TMEM114: variants seen among roughly 807,000 people sequenced by gnomAD.
The protein encoded by TMEM114 is claudin-26.
In TMEM114, 6 loss-of-function variants were observed where a neutral mutation model predicts 6.2. That is an observed-to-expected ratio of 0.97 (90% confidence interval 0.53 to 1.91). TMEM114 has a LOEUF of 1.91. TMEM114 is among the 40% of genes most tolerant of loss of function. The pLI is 0.01. For synonymous variants in TMEM114, 104 were observed against 73.0 expected (o/e 1.42, Z -2.16); for missense variants, 218 against 158.3 (o/e 1.38, Z -2.02).
rs560742507 is a variant in TMEM114 at position 8,580,495 on chromosome 16, TA to T, written c.302-8272del. On this transcript the variant is annotated intron_variant, in intron 2 of 3. Transcript: ENST00000620492. ...GAGAGTGACTCCATCTCAAAAGAGG[TA>T]AAAAAAAAAAAAAAGAAAAAAAAAG... Among the ~76,000 whole-genome samples, 387 of 98,132 alleles carry T rather than the reference TA, an allele frequency of 3.9e-3. 1 individual carries two copies. Among genetic ancestry groups the T allele is most frequent in the East Asian group, 9.9e-3 (37 of 3,736 alleles). The allele number at this position is 98,132 out of a possible 152,430, so 64.4% of individuals were successfully genotyped here.
At chr16:8,563,088 AGTGAGGG>A (rs2141672807) in intron 2 of TMEM114, among the ~76,000 whole-genome samples, 1 of 151,214 alleles carries the variant, frequency 6.6e-6, no homozygotes, top group East Asian at 1.9e-4. Context: ...TGAATGAGTG[AGTGAGGG>A]AGGGAGGGAA....
chr16:8,554,331 G>C (rs1900939627), intron 2 of TMEM114, among the ~76,000 whole-genome samples: 1 of 152,106 alleles, frequency 6.6e-6, no homozygotes, highest in Non-Finnish European at 1.5e-5. Context: ...CAAGGCAGGA[G>C]CATCGCTTGA....
chr16:8,563,618 T>C (rs941771299), intron 2 of TMEM114, among the ~76,000 whole-genome samples: 7 of 149,292 alleles, frequency 4.7e-5, no homozygotes, highest in Middle Eastern at 3.2e-3. Flanking sequence ...AATGAGTGAC[T>C]GAATGAGTGA....
At chr16:8,553,075 C>A (rs1385283866) in intron 2 of TMEM114, among the ~76,000 whole-genome samples, 1 of 152,228 alleles carries the variant, frequency 6.6e-6, no homozygotes, top group Admixed American at 6.5e-5. Flanking sequence ...TCTCATCCTC[C>A]CCTTTGTTGC....
At chr16:8,564,489 A>AG (rs1901448838) in intron 2 of TMEM114, among the ~76,000 whole-genome samples, 2 of 97,034 alleles carry the variant, frequency 2.1e-5, no homozygotes, top group Admixed American at 2.0e-4. Context: ...GAGGGAATGA[A>AG]TGAGTGAATG....
chr16:8,532,749 C>T (rs955198514), downstream of TMEM114, among the ~76,000 whole-genome samples: 2 of 152,092 alleles, frequency 1.3e-5, no homozygotes, highest in African/African-American at 4.8e-5. Flanking sequence ...ATGGTGAAAC[C>T]CCGTCTCTAC....
downstream of TMEM114, among the ~76,000 whole-genome samples, chr16:8,536,093 C>T (rs540734172): frequency 1.1e-4 from 16 of 152,044 alleles, no homozygotes; most frequent in African/African-American, 2.9e-4. Context: ...GGTGTGGTGA[C>T]GTGCACCTGT....
chr16:8,565,109 G>C (rs930211803), downstream of TMEM114, among the ~76,000 whole-genome samples: 1 of 151,802 alleles, frequency 6.6e-6, no homozygotes, highest in Non-Finnish European at 1.5e-5. Context: ...GAGTGAATAA[G>C]TGAGTGAGTG....
At chr16:8,545,392 T>C (rs1424919345) in intron 2 of TMEM114, among the ~76,000 whole-genome samples, 1 of 152,080 alleles carries the variant, frequency 6.6e-6, no homozygotes, top group Non-Finnish European at 1.5e-5. Flanking sequence ...GCTGTAATCA[T>C]ACCACTGCAC....
At chr16:8,575,058 A>G (rs1488900858) in intron 2 of TMEM114, among the ~76,000 whole-genome samples, 1 of 152,198 alleles carries the variant, frequency 6.6e-6, no homozygotes, top group Non-Finnish European at 1.5e-5. Flanking sequence ...TGGAATGTGG[A>G]TATGATGAAA....
chr16:8,540,169 A>G (rs74250585), intron 2 of TMEM114, among the ~76,000 whole-genome samples: 7,554 of 152,260 alleles, frequency 0.05, 479 homozygotes, highest in African/African-American at 0.14. Flanking sequence ...TCATTCAAAC[A>G]TCAGGTTATT....
intron 2 of TMEM114, among the ~76,000 whole-genome samples, chr16:8,585,184 A>G (rs1902281944): frequency 1.3e-5 from 2 of 152,194 alleles, no homozygotes; most frequent in Non-Finnish European, 2.9e-5. Flanking sequence ...TCACAAGAAC[A>G]GTATGGGAAA....
intron 2 of TMEM114, among the ~76,000 whole-genome samples, chr16:8,587,217 A>G (rs2141703682): frequency 6.6e-6 from 1 of 152,254 alleles, no homozygotes; most frequent in East Asian, 1.9e-4. Flanking sequence ...CCATAAACCC[A>G]TATATTCATA....
At chr16:8,556,811 CT>C (rs1388258885) in intron 2 of TMEM114, among the ~76,000 whole-genome samples, 1 of 152,172 alleles carries the variant, frequency 6.6e-6, no homozygotes, top group Non-Finnish European at 1.5e-5. Flanking sequence ...CCCGTGTGCA[CT>C]TTAAAATGAT....
intron 2 of TMEM114, 137 bp downstream of exon 2, chr16:8,589,076 A>T (rs1025526325): frequency 4.8e-5 from 19 of 393,422 alleles, no homozygotes; most frequent in East Asian, 1.8e-4. Context: ...AGCCCACTCC[A>T]TTCTCAGGCT....
At chr16:8,581,177 T>A (rs981437950) in intron 2 of TMEM114, among the ~76,000 whole-genome samples, 13 of 152,210 alleles carry the variant, frequency 8.5e-5, no homozygotes, top group African/African-American at 3.1e-4. Flanking sequence ...GGATAATAAA[T>A]GACATCCTGC....
At chr16:8,548,400 T>C (rs1231076186) in intron 2 of TMEM114, among the ~76,000 whole-genome samples, 1 of 152,196 alleles carries the variant, frequency 6.6e-6, no homozygotes, top group African/African-American at 2.4e-5. Context: ...GGTCAATGAT[T>C]CTCAGATACT....
At chr16:8,555,586 G>C (rs1272969863) in intron 2 of TMEM114, among the ~76,000 whole-genome samples, 1 of 152,146 alleles carries the variant, frequency 6.6e-6, no homozygotes, top group Non-Finnish European at 1.5e-5. Flanking sequence ...CCTCGTCCCA[G>C]CTTCCACCAG....
At chr16:8,547,871 C>G (rs1254207815) in intron 2 of TMEM114, among the ~76,000 whole-genome samples, 1 of 152,160 alleles carries the variant, frequency 6.6e-6, no homozygotes, top group Non-Finnish European at 1.5e-5. Flanking sequence ...AGAAACCCCT[C>G]TTACTTGCTG....
Sources: gnomAD v4.1 joint callset for allele counts (sites outside exome capture counted in the v4.1 genomes callset) on GRCh38, gnomAD v4.1.1 for gene constraint, MANE v1.5 for transcripts, NCBI Gene and HGNC (gene_info 2026-07-23, HGNC 2026-07-21) for gene names.